Variants in CDH11 observed in about 807,000 individuals in gnomAD.
The protein encoded by CDH11 is cadherin-11.
In CDH11, 11 loss-of-function variants were observed where a neutral mutation model predicts 67.8. The observed-to-expected ratio is 0.16, with a 90% CI of 0.10 to 0.27. CDH11 has a LOEUF of 0.27. Among genes scored for constraint, CDH11 ranks in the 10% least tolerant of loss-of-function variants. The pLI is 1.00. For synonymous variants in CDH11, 419 were observed against 400.0 expected, an observed-to-expected ratio of 1.05 and a Z score of -0.57; for missense variants, 847 against 1,031.2, an observed-to-expected ratio of 0.82 and a Z score of 2.45.
rs373562166 is a variant in CDH11, at chr16:65,070,390, A to G, written c.-297-16462T>C. On this transcript the variant is annotated intron_variant, in intron 1 of 12. Coordinates refer to ENST00000268603, the MANE Select transcript of CDH11 (RefSeq NM_001797.4). ...CATGGGGCAAGTTTTGGAGTCTGACAATCCAGGGTTCAAATCCTGCCTCTA... is the reference window on the plus strand; with the variant it reads ...CATGGGGCAAGTTTTGGAGTCTGACGATCCAGGGTTCAAATCCTGCCTCTA... Among the ~76,000 whole-genome samples the G allele has an allele frequency of 1.4e-4, 22 of 152,286 alleles. No homozygotes were observed. In the East Asian group the frequency reaches 2.1e-3, roughly 15 times the overall value.
At chr16:64,989,916 G>T (rs555393115) in intron 6 of CDH11, among the ~76,000 whole-genome samples, 1 of 152,176 alleles carries the variant, frequency 6.6e-6, no homozygotes, top group East Asian at 1.9e-4. Context: ...CTAATACTTT[G>T]TCTATATTTA....
Position 65,057,704 on chromosome 16 carries a change from T to C in CDH11, c.-297-3776A>G, listed in dbSNP as rs577695147. On this transcript the variant is annotated intron_variant, in intron 1 of 12. Coordinates refer to ENST00000268603, the MANE Select transcript of CDH11 (RefSeq NM_001797.4). Reference sequence around the variant, plus strand: ...CCATTAAAATGGAAAGAGTTGTCAATGAAGGGAGCAGCATAGCCCGAGGAG... The same window carrying C: ...CCATTAAAATGGAAAGAGTTGTCAACGAAGGGAGCAGCATAGCCCGAGGAG... 1.4e-3 allele frequency among the ~76,000 whole-genome samples: 217 copies of C among 152,216 alleles called. 4 individuals carry two copies. Among genetic ancestry groups the C allele is most frequent in the South Asian group, 1.5e-3 (7 of 4,810 alleles).
chr16:65,049,854 C>T (rs1201699736), intron 2 of CDH11, among the ~76,000 whole-genome samples: 1 of 152,132 alleles, frequency 6.6e-6, no homozygotes, highest in East Asian at 1.9e-4. Flanking sequence ...CAGTGGCCTA[C>T]ATCCCAAAAT....
intron 2 of CDH11, among the ~76,000 whole-genome samples, chr16:65,045,224 A>G (rs2073934086): frequency 6.6e-6 from 1 of 151,288 alleles, no homozygotes; most frequent in South Asian, 2.1e-4. Context: ...ATAGACAGAA[A>G]TATGATACTT....
chr16:65,089,827 A>G (rs932123532), intron 1 of CDH11, among the ~76,000 whole-genome samples: 2 of 152,224 alleles, frequency 1.3e-5, no homozygotes, highest in African/African-American at 4.8e-5. Context: ...TCTCTTAATG[A>G]AGAACTAAGC....
At chr16:64,971,877 C>T (rs1567498916) in intron 10 of CDH11, 54 bp downstream of exon 10, 3 of 1,594,188 alleles carry the variant, frequency 1.9e-6, no homozygotes, top group Non-Finnish European at 1.7e-6. Flanking sequence ...TTAAAAAACA[C>T]ACTCTATTTC....
At chr16:65,037,269 G>A (rs2073771537) in intron 2 of CDH11, among the ~76,000 whole-genome samples, 1 of 152,126 alleles carries the variant, frequency 6.6e-6, no homozygotes, top group South Asian at 2.1e-4. Context: ...ACTGAGAACT[G>A]GAGACAAAAT....
At chr16:65,040,312 C>G (rs2073841353) in intron 2 of CDH11, among the ~76,000 whole-genome samples, 1 of 152,120 alleles carries the variant, frequency 6.6e-6, no homozygotes, top group Non-Finnish European at 1.5e-5. Context: ...ACCCAAATGT[C>G]CAACAATGAT....
chr16:64,999,387 A>G (rs1488372483), intron 3 of CDH11, among the ~76,000 whole-genome samples: 3 of 152,212 alleles, frequency 2.0e-5, no homozygotes, highest in African/African-American at 7.2e-5. Context: ...TTATTGTTAT[A>G]CAATAAAGTT....
At chr16:65,042,830 T>C (rs1315635631) in intron 2 of CDH11, among the ~76,000 whole-genome samples, 1 of 152,158 alleles carries the variant, frequency 6.6e-6, no homozygotes, top group Non-Finnish European at 1.5e-5. Flanking sequence ...TCTCCAAATC[T>C]ATTGTGGACA....
chr16:64,950,800 T>C lies in CDH11; in HGVS notation c.1861A>G (p.Ile621Val), dbSNP rs749671969. 6 of 1,613,962 alleles carry C rather than the reference T, an allele frequency of 3.7e-6. No individual in the cohort carries two copies. In the Admixed American group the frequency reaches 1.0e-4, roughly 27 times the overall value. Residue 621 changes from isoleucine (I) to valine (V), a missense_variant, in exon 12 of 13, where the codon ATC becomes GTC. Ile to Val is a conservative substitution (Grantham distance 29, BLOSUM62 3). Transcript: ENST00000268603. ...LNAGLSTGALIAILACIVILL... is the reference protein window; with the variant it reads ...LNAGLSTGALVAILACIVILL... ...ATGACGATGCAGGCGAGGATGGCGATCAGGGCGCCTGTGCTCAGGCCGGCG... is the reference window on the plus strand; with the variant it reads ...ATGACGATGCAGGCGAGGATGGCGACCAGGGCGCCTGTGCTCAGGCCGGCG...
chr16:65,082,987 G>A (rs2074636759), intron 1 of CDH11, among the ~76,000 whole-genome samples: 1 of 152,158 alleles, frequency 6.6e-6, no homozygotes, highest in South Asian at 2.1e-4. Context: ...CTTGGCACAT[G>A]GTGAGTGGGT....
In CDH11 at chr16:64,982,137, G is replaced by A. The variant is rs2142459169; in HGVS notation, c.1164C>T (p.Tyr388=). Reference sequence around the variant, plus strand: ...CTGCATTTTCTTGGACTTCGTGGATGTAACTTGGGGCCAAGAACATAGGGG... The same window carrying A: ...CTGCATTTTCTTGGACTTCGTGGATATAACTTGGGGCCAAGAACATAGGGG... ...DEPPMFLAPS[Y]IHEVQENAAA... is the part of the protein sequence containing the mutation. Residue 388 remains tyrosine (Y), a synonymous_variant, in exon 8 of 13, where the codon TAC becomes TAT. Coordinates refer to ENST00000268603, the MANE Select transcript of CDH11 (RefSeq NM_001797.4). 1.2e-6 allele frequency: 2 copies of A among 1,614,030 alleles called. No homozygotes were observed. Among genetic ancestry groups the A allele is most frequent in the Admixed American group, 1.7e-5 (1 of 60,006 alleles).
chr16:64,995,498 C>T (rs1032806480), intron 4 of CDH11, among the ~76,000 whole-genome samples: 1 of 152,168 alleles, frequency 6.6e-6, no homozygotes, highest in Non-Finnish European at 1.5e-5. Flanking sequence ...GAGGAAAGTA[C>T]TCCTTAATCA....
intron 2 of CDH11, among the ~76,000 whole-genome samples, chr16:65,008,442 T>G (rs1293889003): frequency 6.6e-6 from 1 of 152,158 alleles, no homozygotes; most frequent in African/African-American, 2.4e-5. Flanking sequence ...AAGACATAAT[T>G]TAAAAAAAAG....
chr16:65,068,585 A>G (rs925590084), intron 1 of CDH11, among the ~76,000 whole-genome samples: 2 of 152,194 alleles, frequency 1.3e-5, no homozygotes, highest in African/African-American at 2.4e-5. Context: ...AAGTCAGCTC[A>G]TTACCAGATC....
intron 1 of CDH11, among the ~76,000 whole-genome samples, chr16:65,106,980 C>T (rs767445554): frequency 9.9e-5 from 15 of 151,870 alleles, no homozygotes; most frequent in Non-Finnish European, 2.1e-4. Context: ...TCTTTCAGGT[C>T]CTGAATTTAA....
intron 7 of CDH11, chr16:64,982,708 C>G (rs1404300431): frequency 5.8e-6 from 1 of 173,134 alleles, no homozygotes. Flanking sequence ...AAAAGCATGT[C>G]TTGTTTGATG....
chr16:65,011,352 G>C (rs1428461082), intron 2 of CDH11, among the ~76,000 whole-genome samples: 1 of 151,876 alleles, frequency 6.6e-6, no homozygotes, highest in Non-Finnish European at 1.5e-5. Flanking sequence ...CCAACTCCAA[G>C]GATCATCTCA....
Sources: allele counts gnomAD v4.1 joint callset (sites outside exome capture counted in the v4.1 genomes callset), GRCh38; gene constraint gnomAD v4.1.1; transcripts MANE v1.5; gene names NCBI Gene and HGNC (gene_info 2026-07-23, HGNC 2026-07-21).